Variants in ADAMTS9 observed in about 807,000 individuals in gnomAD.
ADAMTS9 encodes ADAM metallopeptidase with thrombospondin type 1 motif 9.
Under a neutral mutation model 257.1 loss-of-function variants are expected in ADAMTS9, and 107 were observed. The ratio of observed to expected loss-of-function variants is 0.42; its 90% CI spans 0.36 to 0.49. The LOEUF is 0.49. Ranked by LOEUF, ADAMTS9 falls within the 20% of genes least tolerant of loss-of-function variation. ADAMTS9 has a pLI of 0.03. For synonymous variants in ADAMTS9, 982 were observed against 880.9 expected, an observed-to-expected ratio of 1.11 and a Z score of -2.03; for missense variants, 2,353 against 2,469.1, an observed-to-expected ratio of 0.95 and a Z score of 1.00.
At chr3:64,610,726 T>C (rs182517618) in intron 22 of ADAMTS9, among the ~76,000 whole-genome samples, 1 of 152,222 alleles carries the variant, frequency 6.6e-6, no homozygotes, top group East Asian at 1.9e-4. Context: ...TTGTATTATA[T>C]GATAATAAAA....
intron 28 of ADAMTS9, chr3:64,587,830 G>T (rs1382623950): frequency 6.6e-6 from 1 of 152,184 alleles, no homozygotes; most frequent in African/African-American, 2.4e-5. Flanking sequence ...AACAAGCAAA[G>T]AAGATGGTGT....
At chr3:64,566,261 A>G (rs1182117509) in intron 29 of ADAMTS9, among the ~76,000 whole-genome samples, 1 of 152,148 alleles carries the variant, frequency 6.6e-6, no homozygotes, top group Non-Finnish European at 1.5e-5. Context: ...TTCTCCATTA[A>G]CCACTGGGTC....
intron 28 of ADAMTS9, among the ~76,000 whole-genome samples, chr3:64,581,709 A>G (rs764748890): frequency 6.6e-6 from 1 of 152,338 alleles, no homozygotes; most frequent in East Asian, 1.9e-4. Flanking sequence ...TAAGGTTCCA[A>G]TTAATTCTGA....
rs1009760206 is a variant in ADAMTS9, at chr3:64,561,713, A to G, written c.4563T>C (p.His1521=). 6.3e-7 allele frequency: 1 copy of G among 1,582,276 alleles called. No individual in the cohort carries two copies. The highest frequency in any genetic ancestry group is 1.7e-5 in the Admixed American group (1 of 58,386). Residue 1521 remains histidine, a synonymous_variant, in exon 30 of 40, where the codon CAT becomes CAC. Coordinates refer to ENST00000498707, the MANE Select transcript of ADAMTS9 (RefSeq NM_182920.2). ...TGTGTGTTCCGATCTGACAGCCCAC[A>G]TGCCTCTGCTGTACGCCTCGGCCAC... The part of the protein sequence containing the change: ...VSCGRGVQQR[H]VGCQIGTHKI...
chr3:64,647,080 A>G (rs1433175320), intron 11 of ADAMTS9, among the ~76,000 whole-genome samples: 1 of 152,202 alleles, frequency 6.6e-6, no homozygotes, highest in Non-Finnish European at 1.5e-5. Context: ...AGTAAAGTGG[A>G]CAATGGAAAG....
intron 12 of ADAMTS9, among the ~76,000 whole-genome samples, chr3:64,638,792 G>A (rs1700564818): frequency 6.6e-6 from 1 of 151,344 alleles, no homozygotes; most frequent in South Asian, 2.1e-4. Flanking sequence ...GCTTTCAGGG[G>A]GAAAAAAACT....
At chr3:64,635,165 T>C (rs1009956652) in intron 12 of ADAMTS9, among the ~76,000 whole-genome samples, 7 of 152,202 alleles carry the variant, frequency 4.6e-5, no homozygotes, top group African/African-American at 1.7e-4. Flanking sequence ...TCAGTGCTCC[T>C]GCAGCGTGCC....
intron 31 of ADAMTS9, 40 bp from the exon 32 acceptor site, chr3:64,546,992 C>A: frequency 6.4e-7 from 1 of 1,569,662 alleles, no homozygotes. Context: ...TCGAGCAGTT[C>A]CTGGGGGCAG....
At chr3:64,641,212 G>T (rs1375567590) in intron 12 of ADAMTS9, among the ~76,000 whole-genome samples, 1 of 151,090 alleles carries the variant, frequency 6.6e-6, no homozygotes, top group Non-Finnish European at 1.5e-5. Context: ...GTTTCCATGT[G>T]AAAATCTATC....
chr3:64,529,740 A>T (rs979530865), intron 38 of ADAMTS9, among the ~76,000 whole-genome samples: 1 of 152,182 alleles, frequency 6.6e-6, no homozygotes, highest in Non-Finnish European at 1.5e-5. Context: ...GTGACTCCAG[A>T]TCAGGGGCAT....
chr3:64,520,453 T>C (rs77927864), intron 39 of ADAMTS9, among the ~76,000 whole-genome samples: 2,262 of 152,270 alleles, frequency 0.015, 46 homozygotes, highest in African/African-American at 0.052. Context: ...CTAAAATTGA[T>C]ATGGAACCAA....
intron 36 of ADAMTS9, among the ~76,000 whole-genome samples, chr3:64,540,802 A>ATTCATTCATTCATTCATTCAG (rs754966551): frequency 1.2e-4 from 18 of 151,974 alleles, no homozygotes; most frequent in Admixed American, 7.2e-4. Flanking sequence ...CACCTACTTC[A>ATTCATTCATTCATTCATTCAG]TTCATTCATT....
At chr3:64,669,585 G>A (rs1336783557) in intron 3 of ADAMTS9, among the ~76,000 whole-genome samples, 1 of 152,134 alleles carries the variant, frequency 6.6e-6, no homozygotes, top group Non-Finnish European at 1.5e-5. Context: ...TATTTTATAA[G>A]ATAAAAGTGA....
intron 31 of ADAMTS9, chr3:64,550,148 T>C (rs2083252255): frequency 6.6e-6 from 1 of 152,196 alleles, no homozygotes; most frequent in South Asian, 2.1e-4. Context: ...ATAATCATGC[T>C]ATGATTACTA....
At chr3:64,662,480 A>G (rs73832371) in intron 3 of ADAMTS9, among the ~76,000 whole-genome samples, 1,642 of 152,168 alleles carry the variant, frequency 0.011, 24 homozygotes, top group African/African-American at 0.038. Flanking sequence ...TGCTCTATCC[A>G]TTATTGAAAG....
At position 64,670,502 on chromosome 3, in the gene ADAMTS9, C is replaced by T. The variant is rs558572152; in HGVS notation, c.679+10699G>A. On this transcript the variant is annotated intron_variant, in intron 3 of 39. Transcript: ENST00000498707. ...TAGTTCTGGGACTGCATGAAATCTA[C>T]GGTGCATGAAGTATTGGCGATAAAA... Among the ~76,000 whole-genome samples, 49 of 152,238 alleles carry T rather than the reference C, an allele frequency of 3.2e-4. 1 individual carries two copies. In the South Asian group the frequency reaches 8.5e-3, roughly 26 times the overall value.
At position 64,687,241 on chromosome 3, in the gene ADAMTS9, T is replaced by C. The variant is rs1308188453; in HGVS notation, c.116-273A>G. On this transcript the variant is annotated intron_variant, in intron 1 of 39. Coordinates refer to ENST00000498707, the MANE Select transcript of ADAMTS9 (RefSeq NM_182920.2). This position sits in a 1 kb window ranked among gnomAD's most constrained non-coding sequence, Gnocchi z 4.4. ...ATATTGATAAATAACCTGAATAAAA[T>C]AAAACATGACGCTATCTGGTGCCCC... Among the ~76,000 whole-genome samples, 4 of 152,196 alleles carry C rather than the reference T, an allele frequency of 2.6e-5. No homozygotes were observed. The highest frequency in any genetic ancestry group is 9.6e-5 in the African/African-American group (4 of 41,540).
In ADAMTS9 at chr3:64,643,775, A is replaced by AT. The variant is rs745387834; in HGVS notation, c.1711-1783dup. Among the ~76,000 whole-genome samples the AT allele has an allele frequency of 5.8e-4, 88 of 151,536 alleles. 1 individual carries two copies. Among genetic ancestry groups the AT allele is most frequent in the Middle Eastern group, 3.4e-3 (1 of 290 alleles). Reference sequence around the variant, plus strand: ...CCAACACACCTGGCCTACTAATTAGATTTTTTAATGCTTTTTTTTTTTCAT... The same window carrying AT: ...CCAACACACCTGGCCTACTAATTAGATTTTTTTAATGCTTTTTTTTTTTCAT... On this transcript the variant is annotated intron_variant, in intron 11 of 39. Coordinates refer to ENST00000498707, the MANE Select transcript of ADAMTS9 (RefSeq NM_182920.2).
At chr3:64,519,744 C>T (rs1032341143) in intron 39 of ADAMTS9, among the ~76,000 whole-genome samples, 5 of 152,244 alleles carry the variant, frequency 3.3e-5, no homozygotes, top group Middle Eastern at 3.4e-3. Flanking sequence ...TAAAATCCAA[C>T]ATCCCTTCAT....
Sources: gnomAD v4.1 joint callset for allele counts (sites outside exome capture counted in the v4.1 genomes callset) on GRCh38, gnomAD v4.1.1 for gene constraint, Gnocchi (gnomAD v3.1) non-coding constraint, MANE v1.5 for transcripts, NCBI Gene and HGNC (gene_info 2026-07-23, HGNC 2026-07-21) for gene names.